The following PALM2AKAP2 variants were observed in gnomAD, a reference collection of about 807,000 sequenced individuals.
PALM2AKAP2 encodes the protein PALM2 and AKAP2 fusion, also known as PALM2-AKAP2 fusion protein.
In PALM2AKAP2, 37 loss-of-function variants were observed where a neutral mutation model predicts 71.5. The ratio of observed to expected loss-of-function variants is 0.52; its 90% CI spans 0.40 to 0.68. The LOEUF (loss-of-function observed/expected upper bound fraction) is 0.68. Ranked by LOEUF, PALM2AKAP2 falls within the 30% of genes least tolerant of loss-of-function variation. The probability of loss-of-function intolerance (pLI) is 0.00; values close to 1 mark genes in which losing one functional copy is unlikely to be tolerated. For synonymous variants in PALM2AKAP2, 468 were observed against 478.8 expected (o/e 0.98, Z 0.29); for missense variants, 1,224 against 1,191.8 (o/e 1.03, Z -0.40).
intron 1 of PALM2AKAP2, among the ~76,000 whole-genome samples, chr9:109,754,376 T>C (rs1160364466): frequency 1.8e-4 from 27 of 152,166 alleles, no homozygotes; most frequent in Admixed American, 1.8e-3. Context: ...AAATTCAACT[T>C]CTTCATTCTC....
intron 1 of PALM2AKAP2, among the ~76,000 whole-genome samples, chr9:109,711,678 C>A (rs1233196871): frequency 6.6e-6 from 1 of 152,200 alleles, no homozygotes; most frequent in Non-Finnish European, 1.5e-5. Flanking sequence ...AAGGTGGCAT[C>A]CTTCTCCCTG....
chr9:110,111,052 A>AT lies in PALM2AKAP2; in HGVS notation c.157-25066dup, dbSNP rs899040296. 9.4e-4 allele frequency among the ~76,000 whole-genome samples: 114 copies of AT among 121,616 alleles called. 1 individual carries two copies. The highest frequency in any genetic ancestry group is 1.7e-3 in the African/African-American group (56 of 32,590). The allele number at this position is 121,616 out of a possible 152,430, so 79.8% of individuals were successfully genotyped here. A position where few individuals can be genotyped will look rare whatever the true frequency, so the allele number is the denominator to read the frequency against. ...GAATTACAGAGTGAAATCAAGAAGC[A>AT]TTTTTTTTTCCTTTTTTCTTTTCTT... On this transcript the variant is annotated intron_variant, in intron 1 of 3. Transcript: ENST00000374525.
intron 3 of PALM2AKAP2, among the ~76,000 whole-genome samples, chr9:109,896,049 G>A (rs929512240): frequency 1.3e-4 from 20 of 152,134 alleles, no homozygotes; most frequent in African/African-American, 4.8e-4. Context: ...GCTGGGCATG[G>A]TGGCAGGCAC....
intron 1 of PALM2AKAP2, among the ~76,000 whole-genome samples, chr9:110,108,678 G>A (rs1835172357): frequency 6.6e-6 from 1 of 152,060 alleles, no homozygotes; most frequent in African/African-American, 2.4e-5. Context: ...TGTCTAAGGG[G>A]TGATGAAAAA....
At chr9:109,738,421 A>G (rs1200787018) in intron 1 of PALM2AKAP2, among the ~76,000 whole-genome samples, 1 of 152,224 alleles carries the variant, frequency 6.6e-6, no homozygotes, top group Non-Finnish European at 1.5e-5. Context: ...TAGAATAATG[A>G]TTGTTTAGGT....
chr9:110,073,870 T>A (rs936819970), intron 1 of PALM2AKAP2, among the ~76,000 whole-genome samples: 1 of 152,352 alleles, frequency 6.6e-6, no homozygotes. Context: ...ATACCTTTTT[T>A]AATGATTATA....
intron 1 of PALM2AKAP2, among the ~76,000 whole-genome samples, chr9:109,686,197 ACCTCTTC>A (rs1359933079): frequency 6.6e-6 from 1 of 152,282 alleles, no homozygotes. Context: ...GTTGGAATCA[ACCTCTTC>A]CAAACTCCCA....
At chr9:110,145,006 G>T (rs1564332833) in intron 2 of PALM2AKAP2, among the ~76,000 whole-genome samples, 1 of 152,244 alleles carries the variant, frequency 6.6e-6, no homozygotes, top group Non-Finnish European at 1.5e-5. Context: ...TGTTGAGCCT[G>T]CTCTATGAGG....
intron 6 of PALM2AKAP2, among the ~76,000 whole-genome samples, chr9:109,982,648 C>G (rs1832297972): frequency 6.6e-6 from 1 of 152,100 alleles, no homozygotes; most frequent in South Asian, 2.1e-4. Context: ...GAGAGAGAGA[C>G]AGGGTCTCAT....
At chr9:109,749,879 A>G (rs867334298) in intron 1 of PALM2AKAP2, among the ~76,000 whole-genome samples, 2 of 152,304 alleles carry the variant, frequency 1.3e-5, no homozygotes, top group Middle Eastern at 3.4e-3. Context: ...GAAGCCTTGG[A>G]TAATATCAAA....
At chr9:109,746,633 C>T (rs1316835259) in intron 1 of PALM2AKAP2, among the ~76,000 whole-genome samples, 3 of 152,040 alleles carry the variant, frequency 2.0e-5, no homozygotes, top group Non-Finnish European at 4.4e-5. Flanking sequence ...AGAGAGACAC[C>T]AATGATATCC....
intron 1 of PALM2AKAP2, among the ~76,000 whole-genome samples, chr9:109,737,200 A>G (rs1481889998): frequency 1.3e-5 from 2 of 152,236 alleles, no homozygotes; most frequent in African/African-American, 4.8e-5. Flanking sequence ...CGCTATGATT[A>G]CAGTGGCTTC....
chr9:109,759,919 G>A (rs1238918978), intron 1 of PALM2AKAP2, among the ~76,000 whole-genome samples: 1 of 152,030 alleles, frequency 6.6e-6, no homozygotes, highest in African/African-American at 2.4e-5. Flanking sequence ...ATTTATATAT[G>A]GCAAAATTCA....
At chr9:109,721,923 A>G (rs1243860810) in intron 1 of PALM2AKAP2, among the ~76,000 whole-genome samples, 2 of 152,232 alleles carry the variant, frequency 1.3e-5, no homozygotes, top group East Asian at 3.8e-4. Context: ...TTAAAATGCT[A>G]TATGTACATG....
chr9:110,004,462 A>G (rs1192596114), intron 6 of PALM2AKAP2, among the ~76,000 whole-genome samples: 2 of 151,786 alleles, frequency 1.3e-5, no homozygotes, highest in African/African-American at 4.8e-5. Flanking sequence ...TGCCCTTAAC[A>G]TTTTTTCCTT....
chr9:109,841,848 AG>A (rs1828696828), intron 1 of PALM2AKAP2, among the ~76,000 whole-genome samples: 1 of 61,706 alleles, frequency 1.6e-5, no homozygotes, highest in Admixed American at 1.9e-4. Context: ...GTGGAGGGAA[AG>A]AGGGGAGGGT....
At chr9:110,038,231 G>T (rs990462151) in intron 7 of PALM2AKAP2, among the ~76,000 whole-genome samples, 1 of 152,102 alleles carries the variant, frequency 6.6e-6, no homozygotes, top group African/African-American at 2.4e-5. Context: ...ATCCAAGGCT[G>T]AGGTGGGAGG....
chr9:109,892,395 C>G (rs569092889), intron 3 of PALM2AKAP2, among the ~76,000 whole-genome samples: 1 of 151,704 alleles, frequency 6.6e-6, no homozygotes, highest in Non-Finnish European at 1.5e-5. Context: ...TTCTCAAGAT[C>G]CTTAAATTAA....
intron 2 of PALM2AKAP2, among the ~76,000 whole-genome samples, chr9:109,872,261 G>A (rs1829618081): frequency 2.0e-5 from 3 of 152,164 alleles, no homozygotes; most frequent in Admixed American, 2.0e-4. Flanking sequence ...TTTTTATAAT[G>A]AGACTTGTGA....
Sources: gnomAD v4.1 joint callset for allele counts (sites outside exome capture counted in the v4.1 genomes callset) on GRCh38, gnomAD v4.1.1 for gene constraint, MANE v1.5 for transcripts, NCBI Gene and HGNC (gene_info 2026-07-23, HGNC 2026-07-21) for gene names.